The following ITPR1 variants were observed in gnomAD, a reference collection of about 807,000 sequenced individuals.
ITPR1 encodes inositol 1,4,5-trisphosphate-gated calcium channel ITPR1.
Under a neutral mutation model 318.4 loss-of-function variants are expected in ITPR1, and 96 were observed. The observed-to-expected ratio is 0.30, with a 90% CI of 0.26 to 0.36. The LOEUF is 0.36. Ranked by LOEUF, ITPR1 falls within the 10% of genes least tolerant of loss-of-function variation. The probability of loss-of-function intolerance (pLI) is 1.00; values close to 1 mark genes in which losing one functional copy is unlikely to be tolerated. For missense variants in ITPR1, 2,440 were observed against 3,460.2 expected, an observed-to-expected ratio of 0.71 and a Z score of 7.40; for synonymous variants, 1,312 against 1,289.9, an observed-to-expected ratio of 1.02 and a Z score of -0.37.
At chr3:4,566,252 TAGATCTTCTA>T (rs1213515475) in intron 4 of ITPR1, among the ~76,000 whole-genome samples, 1 of 152,204 alleles carries the variant, frequency 6.6e-6, no homozygotes, top group Non-Finnish European at 1.5e-5. Flanking sequence ...CCCTGTTGGA[TAGATCTTCTA>T]AGAGCCACCC....
In ITPR1 at chr3:4,676,696, G is replaced by A. The variant is rs543514234; in HGVS notation, c.2862G>A (p.Met954Ile). 2.8e-4 allele frequency: 447 copies of A among 1,613,748 alleles called. 6 individuals carry two copies. In the South Asian group the frequency reaches 3.4e-3, roughly 12 times the overall value. Residue 954 changes from methionine to isoleucine, a missense_variant, in exon 24 of 62, where the codon ATG (methionine) becomes ATA (isoleucine). Physicochemically the swap from Met to Ile is conservative, Grantham distance 10. This residue lies in a region of ITPR1 where 478 missense variants were observed against 696.3 expected (regional missense o/e 0.69). Coordinates refer to ENST00000649015, the MANE Select transcript of ITPR1 (RefSeq NM_001378452.1). Reference sequence around the variant, plus strand: ...TCCGGGGAGGAGGCTTTTTGCCCATGACTCCCATGGCTGCTGCCCCTGAAG... The same window carrying A: ...TCCGGGGAGGAGGCTTTTTGCCCATAACTCCCATGGCTGCTGCCCCTGAAG... ...VVLRGGGFLP[M>I]TPMAAAPEGN... is the part of the protein sequence containing the mutation.
At chr3:4,550,804 C>G (rs1041603473) in intron 4 of ITPR1, among the ~76,000 whole-genome samples, 16 of 151,836 alleles carry the variant, frequency 1.1e-4, no homozygotes, top group Admixed American at 6.6e-5. Flanking sequence ...CATTCAAGCC[C>G]AAGCCCAGGA....
chr3:4,693,765 G>T (rs761241993), intron 33 of ITPR1, 24 bp downstream of exon 33: 4 of 1,598,406 alleles, frequency 2.5e-6, no homozygotes, highest in Non-Finnish European at 3.4e-6. Context: ...GCCTGGCTGT[G>T]CCCTTCTCGT....
At chr3:4,588,868 G>T (rs992438604) in intron 4 of ITPR1, among the ~76,000 whole-genome samples, 1 of 152,010 alleles carries the variant, frequency 6.6e-6, no homozygotes, top group African/African-American at 2.4e-5. Context: ...TCCCTCACAC[G>T]TCACATCTTA....
At chr3:4,606,260 G>A (rs967161744) in intron 4 of ITPR1, among the ~76,000 whole-genome samples, 1 of 152,142 alleles carries the variant, frequency 6.6e-6, no homozygotes, top group African/African-American at 2.4e-5. Flanking sequence ...GTAGGGTGGA[G>A]TAGGATGGAG....
At chr3:4,832,433 T>C (rs2050584415) in intron 60 of ITPR1, among the ~76,000 whole-genome samples, 1 of 152,134 alleles carries the variant, frequency 6.6e-6, no homozygotes, top group Non-Finnish European at 1.5e-5. Flanking sequence ...GGTGGTTGGA[T>C]CACCTGAGGT....
intron 26 of ITPR1, 132 bp from the exon 27 acceptor site, chr3:4,683,254 T>C (rs1207901701): frequency 3.6e-6 from 3 of 836,088 alleles, no homozygotes; most frequent in Non-Finnish European, 6.1e-6. Flanking sequence ...AAGGAGCTAA[T>C]GAAAAGTGAA....
At chr3:4,499,236 C>G (rs1401348103) in intron 2 of ITPR1, among the ~76,000 whole-genome samples, 1 of 152,124 alleles carries the variant, frequency 6.6e-6, no homozygotes, top group African/African-American at 2.4e-5. Flanking sequence ...TGAAACAAAA[C>G]AAAACAATTC....
At chr3:4,771,849 T>A (rs984288655) in intron 46 of ITPR1, among the ~76,000 whole-genome samples, 1 of 152,092 alleles carries the variant, frequency 6.6e-6, no homozygotes, top group African/African-American at 2.4e-5. Flanking sequence ...GGATCCTTTG[T>A]TGAAATATAC....
At chr3:4,712,700 G>T (rs1434743215) in intron 39 of ITPR1, among the ~76,000 whole-genome samples, 2 of 152,290 alleles carry the variant, frequency 1.3e-5, no homozygotes, top group South Asian at 2.1e-4. Context: ...ATCGATGGTG[G>T]CAACCAGATT....
intron 46 of ITPR1, among the ~76,000 whole-genome samples, chr3:4,769,950 C>A (rs756150978): frequency 1.3e-5 from 2 of 152,218 alleles, no homozygotes; most frequent in Non-Finnish European, 2.9e-5. Flanking sequence ...TGGCTTTTGC[C>A]TGGGTTTGTT....
intron 4 of ITPR1, among the ~76,000 whole-genome samples, chr3:4,575,507 C>G (rs993263664): frequency 7.2e-5 from 11 of 152,118 alleles, no homozygotes; most frequent in African/African-American, 2.7e-4. Flanking sequence ...CTCTCCAGAC[C>G]TGTCTCACTG....
chr3:4,586,507 CTT>C (rs34188022), intron 4 of ITPR1, among the ~76,000 whole-genome samples: 1,496 of 104,770 alleles, frequency 0.014, 26 homozygotes, highest in Admixed American at 0.069. Flanking sequence ...GCCTTGAGTG[CTT>C]TTTTTTTTTT....
intron 5 of ITPR1, among the ~76,000 whole-genome samples, chr3:4,631,934 G>A (rs1040771590): frequency 6.6e-6 from 1 of 152,132 alleles, no homozygotes; most frequent in African/African-American, 2.4e-5. Flanking sequence ...TTATAGGCAT[G>A]GACTACTGCG....
At chr3:4,641,890 G>GTTT (rs2093347356) in intron 6 of ITPR1, among the ~76,000 whole-genome samples, 4 of 152,188 alleles carry the variant, frequency 2.6e-5, no homozygotes, top group Admixed American at 2.6e-4. Context: ...AGTTTTTCTT[G>GTTT]TATTCTGCCC....
rs1020708812 is a variant in ITPR1 at position 4,735,471 on chromosome 3, G to A, written c.5544+117G>A. On this transcript the variant is annotated intron_variant, in intron 44 of 61. Coordinates refer to ENST00000649015, the MANE Select transcript of ITPR1 (RefSeq NM_001378452.1). ...TTGTTTGAGAGACAGCTCATTCTGA[G>A]GGCACAAAATTCTGTTTTGAAAAAT... is the stretch of plus-strand genomic sequence containing the variant. 12 of 794,092 alleles carry A rather than the reference G, an allele frequency of 1.5e-5. No individual in the cohort carries two copies. The African/African-American group carries it at 1.7e-4, about 11-fold the overall frequency. The allele number at this position is 794,092 out of a possible 1,614,324, so 49.2% of individuals were successfully genotyped here.
intron 11 of ITPR1, 58 bp from the exon 12 acceptor site, chr3:4,653,784 G>A (rs1160266459): frequency 3.8e-5 from 49 of 1,292,888 alleles, no homozygotes; most frequent in Non-Finnish European, 5.2e-5. Context: ...TGCAAGTGGG[G>A]CCCAGTCCTT....
chr3:4,656,443 G>A (rs1341103332), intron 12 of ITPR1, among the ~76,000 whole-genome samples: 1 of 152,208 alleles, frequency 6.6e-6, no homozygotes, highest in Non-Finnish European at 1.5e-5. Context: ...GAAGTGTTCT[G>A]TCACTGTCCA....
At chr3:4,764,022 G>A (rs894883624) in intron 44 of ITPR1, among the ~76,000 whole-genome samples, 11 of 152,226 alleles carry the variant, frequency 7.2e-5, no homozygotes, top group African/African-American at 2.4e-4. Context: ...CAGCTGAAGC[G>A]AATGGCCCTG....
Sources: gnomAD v4.1 joint callset for allele counts (sites outside exome capture counted in the v4.1 genomes callset) on GRCh38, gnomAD v4.1.1 for gene constraint, gnomAD v4.1.1 regional missense constraint, MANE v1.5 for transcripts, NCBI Gene and HGNC (gene_info 2026-07-23, HGNC 2026-07-21) for gene names.